SEC24D: variants seen among roughly 807,000 people sequenced by gnomAD.
SEC24D encodes protein transport protein Sec24D.
A neutral mutation model predicts 116.9 loss-of-function variants in SEC24D; 69 were observed. The ratio of observed to expected loss-of-function variants is 0.59; its 90% CI spans 0.49 to 0.72. The LOEUF (loss-of-function observed/expected upper bound fraction) is 0.72, where lower values mean the gene tolerates loss of function less well. Ranked by LOEUF, SEC24D falls within the 30% of genes least tolerant of loss-of-function variation. The pLI is 0.00. For missense variants in SEC24D, 1,131 were observed against 1,264.1 expected, an observed-to-expected ratio of 0.89 and a Z score of 1.60; for synonymous variants, 405 against 442.8, an observed-to-expected ratio of 0.91 and a Z score of 1.07.
chr4:118,810,914 GAGATATAAGCAAATGGGTGGAAT>G (rs1274941654), intron 6 of SEC24D, among the ~76,000 whole-genome samples: 21 of 152,302 alleles, frequency 1.4e-4, no homozygotes, highest in African/African-American at 5.1e-4. Context: ...GGGGTAGGCA[GAGATATAAGCAAATGGGTGGAAT>G]CCCAGAAGCA....
intron 10 of SEC24D, among the ~76,000 whole-genome samples, chr4:118,763,907 G>C (rs1344805582): frequency 6.6e-6 from 1 of 152,162 alleles, no homozygotes; most frequent in Non-Finnish European, 1.5e-5. Context: ...TGAAAAAACA[G>C]AAGCTATAGT....
At chr4:118,779,889 T>G (rs1285839474) in intron 8 of SEC24D, among the ~76,000 whole-genome samples, 1 of 152,240 alleles carries the variant, frequency 6.6e-6, no homozygotes, top group African/African-American at 2.4e-5. Context: ...GTTTATTTGC[T>G]TAGAGGTGTT....
intron 7 of SEC24D, among the ~76,000 whole-genome samples, chr4:118,799,619 G>A (rs1729333887): frequency 6.7e-6 from 1 of 149,980 alleles, no homozygotes; most frequent in Non-Finnish European, 1.5e-5. Flanking sequence ...AGATAAGGAG[G>A]TCAGAGGAGG....
Position 118,790,663 on chromosome 4 carries a change from C to T in SEC24D, c.1041+7020G>A, listed in dbSNP as rs78120189. Among the ~76,000 whole-genome samples the T allele has an allele frequency of 9.4e-3, 1,433 of 151,892 alleles. 21 individuals are homozygous for T. The highest frequency in any genetic ancestry group is 0.032 in the African/African-American group (1,328 of 41,392). On this transcript the variant is annotated intron_variant, in intron 8 of 22. Transcript: ENST00000280551. ...TAGATATATCCCTGGAAATAGCAAA[C>T]ATCTCCAAAGCAAATATTCCTAAGG...
At chr4:118,821,046 T>G (rs1023215112) in intron 3 of SEC24D, among the ~76,000 whole-genome samples, 2 of 152,192 alleles carry the variant, frequency 1.3e-5, no homozygotes, top group Non-Finnish European at 2.9e-5. Flanking sequence ...ATGCTGAAGT[T>G]TGTATGCGGA....
intron 8 of SEC24D, among the ~76,000 whole-genome samples, chr4:118,786,123 C>G (rs757967246): frequency 6.6e-6 from 1 of 152,136 alleles, no homozygotes; most frequent in Non-Finnish European, 1.5e-5. Flanking sequence ...TCAATTTATG[C>G]ACCTAACTCC....
intron 10 of SEC24D, among the ~76,000 whole-genome samples, chr4:118,761,875 G>A (rs1050151625): frequency 6.6e-6 from 1 of 152,000 alleles, no homozygotes; most frequent in Non-Finnish European, 1.5e-5. Flanking sequence ...GTTTTCTTAC[G>A]GCACTATGAT....
chr4:118,770,220 A>G (rs924594492), intron 8 of SEC24D, among the ~76,000 whole-genome samples: 1 of 152,060 alleles, frequency 6.6e-6, no homozygotes, highest in Non-Finnish European at 1.5e-5. Flanking sequence ...TGTATACACC[A>G]CTCTTTCAGA....
rs1560737169 is a variant in SEC24D at position 118,810,124 on chromosome 4, GT to G, written c.802-4171del. Among the ~76,000 whole-genome samples, 667 of 131,212 alleles carry G rather than the reference GT, an allele frequency of 5.1e-3. 15 individuals carry two copies. The highest frequency in any genetic ancestry group is 0.014 in the Admixed American group (173 of 12,604). The allele number at this position is 131,212 out of a possible 152,430, so 86.1% of individuals were successfully genotyped here. A position where few individuals can be genotyped will look rare whatever the true frequency, so the allele number is the denominator to read the frequency against. On this transcript the variant is annotated intron_variant, in intron 6 of 22. Coordinates refer to ENST00000280551, the MANE Select transcript of SEC24D (RefSeq NM_014822.4). The stretch of plus-strand genomic sequence containing the variant: ...TGTGTGTGTGTGTGTGTGTGTGTGT[GT>G]GTGTGTGTGTGTCAGAGGGTATAGG...
chr4:118,756,694 G>A (rs1341737475), intron 11 of SEC24D, among the ~76,000 whole-genome samples: 1 of 152,138 alleles, frequency 6.6e-6, no homozygotes, highest in South Asian at 2.1e-4. Context: ...CTAGGTTACA[G>A]ACAACATTTC....
At chr4:118,739,961 G>A (rs556141706) in intron 17 of SEC24D, among the ~76,000 whole-genome samples, 68 of 152,138 alleles carry the variant, frequency 4.5e-4, no homozygotes, top group African/African-American at 1.3e-3. Context: ...GCTTAACATC[G>A]TATTACGGGC....
At chr4:118,742,376 G>C (rs542435086) in intron 15 of SEC24D, among the ~76,000 whole-genome samples, 5 of 151,798 alleles carry the variant, frequency 3.3e-5, no homozygotes, top group African/African-American at 9.7e-5. Context: ...GGAAAAGTGG[G>C]GGGGGGAAAG....
intron 3 of SEC24D, among the ~76,000 whole-genome samples, chr4:118,821,623 A>G (rs1422626076): frequency 6.6e-6 from 1 of 152,240 alleles, no homozygotes; most frequent in Non-Finnish European, 1.5e-5. Context: ...TTTTTATTTG[A>G]TAATTTAGAT....
chr4:118,727,844 C>T (rs1725487345), intron 22 of SEC24D, among the ~76,000 whole-genome samples: 1 of 152,084 alleles, frequency 6.6e-6, no homozygotes, highest in African/African-American at 2.4e-5. Flanking sequence ...GCATGAGTTA[C>T]TTTCACAGTT....
At chr4:118,748,603 T>G (rs1472275835) in intron 13 of SEC24D, among the ~76,000 whole-genome samples, 1 of 152,158 alleles carries the variant, frequency 6.6e-6, no homozygotes. Flanking sequence ...AGAGGCTGGC[T>G]TGGAGAACTC....
chr4:118,743,705 A>G (rs1726350569), intron 15 of SEC24D, among the ~76,000 whole-genome samples: 1 of 152,190 alleles, frequency 6.6e-6, no homozygotes, highest in South Asian at 2.1e-4. Context: ...AACGTTATGT[A>G]AATAATTGTT....
intron 13 of SEC24D, among the ~76,000 whole-genome samples, chr4:118,750,292 A>G (rs896219013): frequency 2.2e-4 from 33 of 152,200 alleles, no homozygotes; most frequent in African/African-American, 8.0e-4. Flanking sequence ...GAATGCATGT[A>G]CACAATTTGC....
intron 8 of SEC24D, among the ~76,000 whole-genome samples, chr4:118,778,512 T>C (rs1728251724): frequency 6.6e-6 from 1 of 152,244 alleles, no homozygotes; most frequent in Non-Finnish European, 1.5e-5. Flanking sequence ...TACTGCAGCC[T>C]TGTAGTATAG....
intron 2 of SEC24D, 175 bp downstream of exon 2, chr4:118,833,404 A>C (rs868730820): frequency 2.0e-5 from 10 of 501,570 alleles, no homozygotes; most frequent in African/African-American, 1.8e-4. Context: ...TGCAATAACC[A>C]AACTAGTGAT....
Sources: gnomAD v4.1 joint callset for allele counts (sites outside exome capture counted in the v4.1 genomes callset) on GRCh38, gnomAD v4.1.1 for gene constraint, MANE v1.5 for transcripts, NCBI Gene and HGNC (gene_info 2026-07-23, HGNC 2026-07-21) for gene names.